NUFIP1: variants seen among roughly 807,000 people sequenced by gnomAD.
NUFIP1 encodes the protein FMR1-interacting protein NUFIP1.
Under a neutral mutation model 56.2 loss-of-function variants are expected in NUFIP1, and 38 were observed. The ratio of observed to expected loss-of-function variants is 0.68; its 90% CI spans 0.52 to 0.89. The LOEUF is 0.89. Among genes scored for constraint, NUFIP1 ranks in the 40% least tolerant of loss-of-function variants. The pLI, the probability that NUFIP1 is intolerant of heterozygous loss-of-function variation, is 0.00. For synonymous variants in NUFIP1, 215 were observed against 212.4 expected, an observed-to-expected ratio of 1.01 and a Z score of -0.10; for missense variants, 567 against 605.8, an observed-to-expected ratio of 0.94 and a Z score of 0.67.
chr13:44,988,983 GA>G, intron 1 of NUFIP1, 41 bp downstream of exon 1: 8 of 1,601,910 alleles, frequency 5.0e-6, no homozygotes, highest in Admixed American at 3.4e-5. Context: ...AAGAACGGGG[GA>G]AAAAGGTAAA....
intron 1 of NUFIP1, among the ~76,000 whole-genome samples, chr13:44,985,502 G>C (rs1025281444): frequency 6.6e-6 from 1 of 152,142 alleles, no homozygotes; most frequent in Admixed American, 6.5e-5. Flanking sequence ...ACATCAAGCA[G>C]GTCTATCAGC....
At chr13:44,967,232 A>T (rs1476862743) in intron 5 of NUFIP1, among the ~76,000 whole-genome samples, 1 of 151,896 alleles carries the variant, frequency 6.6e-6, no homozygotes, top group African/African-American at 2.4e-5. Flanking sequence ...ACAAACCAAG[A>T]CTTCAGAAAG....
intron 9 of NUFIP1, among the ~76,000 whole-genome samples, chr13:44,943,009 G>C (rs952665464): frequency 6.0e-5 from 9 of 150,750 alleles, no homozygotes; most frequent in Non-Finnish European, 1.3e-4. Flanking sequence ...GGGAGGGAAG[G>C]AAGACAATCC....
chr13:44,966,619 C>G (rs1396747955), intron 5 of NUFIP1, among the ~76,000 whole-genome samples: 2 of 152,026 alleles, frequency 1.3e-5, no homozygotes, highest in Non-Finnish European at 2.9e-5. Flanking sequence ...CCGGCCAAGT[C>G]TATCCAATTT....
chr13:44,949,080 C>A (rs1488125921), intron 8 of NUFIP1, among the ~76,000 whole-genome samples: 2 of 151,946 alleles, frequency 1.3e-5, no homozygotes, highest in Non-Finnish European at 2.9e-5. Context: ...CACGTTATAA[C>A]AAGGGTTCTT....
At chr13:44,950,884 G>C (rs1017682045) in intron 7 of NUFIP1, among the ~76,000 whole-genome samples, 4 of 152,028 alleles carry the variant, frequency 2.6e-5, no homozygotes, top group Admixed American at 6.6e-5. Context: ...AAGACAATAA[G>C]TAATTTGTCT....
At chr13:44,985,885 G>T (rs1391755932) in intron 1 of NUFIP1, among the ~76,000 whole-genome samples, 2 of 152,206 alleles carry the variant, frequency 1.3e-5, no homozygotes, top group Admixed American at 1.3e-4. Flanking sequence ...AAATGATTAA[G>T]CTTAGTGAGG....
chr13:44,943,422 C>A lies in NUFIP1; in HGVS notation c.1371+20G>T, dbSNP rs926217462. 1.9e-6 allele frequency: 3 copies of A among 1,598,430 alleles called. No individual in the cohort carries two copies. The highest frequency in any genetic ancestry group is 2.7e-5 in the African/African-American group (2 of 74,332). On this transcript the variant is annotated intron_variant, in intron 9 of 9. Coordinates refer to ENST00000379161, the MANE Select transcript of NUFIP1 (RefSeq NM_012345.3). ...TGATGTGAGAACACAAAGATTAGAACCTAAAGAAAAATAATTTACCATTTC... is the reference window on the plus strand; with the variant it reads ...TGATGTGAGAACACAAAGATTAGAAACTAAAGAAAAATAATTTACCATTTC...
chr13:44,979,230 T>G lies in NUFIP1; in HGVS notation c.694A>C (p.Thr232Pro). Residue 232 changes from threonine (T) to proline (P), a missense_variant, in exon 5 of 10, where the codon ACT becomes CCT. Transcript: ENST00000379161. Reference protein sequence around the residue: ...APGMKKIKLDTPEEIARWREE... With the variant: ...APGMKKIKLDPPEEIARWREE... The stretch of plus-strand genomic sequence containing the variant: ...CTCCACCGTGCAATTTCCTCTGGAG[T>G]GTCTAACTTGATCTTCTTCATGCCA... 6.2e-7 allele frequency: 1 copy of G among 1,613,418 alleles called. No individual in the cohort carries two copies. The highest frequency in any genetic ancestry group is 8.5e-7 in the Non-Finnish European group (1 of 1,179,802).
intron 7 of NUFIP1, among the ~76,000 whole-genome samples, chr13:44,951,909 G>A (rs1485460840): frequency 2.0e-5 from 3 of 152,238 alleles, no homozygotes; most frequent in Non-Finnish European, 2.9e-5. Flanking sequence ...CTGTCTTGAT[G>A]TTGCTGGCTG....
chr13:44,976,630 G>A (rs1487917178), intron 5 of NUFIP1, among the ~76,000 whole-genome samples: 1 of 152,126 alleles, frequency 6.6e-6, no homozygotes, highest in Non-Finnish European at 1.5e-5. Context: ...CAGAAGCCAA[G>A]GAACTTCAGA....
chr13:44,987,753 T>C (rs937810627), intron 1 of NUFIP1, among the ~76,000 whole-genome samples: 1 of 152,192 alleles, frequency 6.6e-6, no homozygotes, highest in African/African-American at 2.4e-5. Context: ...CTACAATAGC[T>C]TCCTAACCGG....
chr13:44,957,739 C>T lies in NUFIP1; in HGVS notation c.1021+1642G>A, dbSNP rs114963581. On this transcript the variant is annotated intron_variant, in intron 7 of 9. Transcript: ENST00000379161. ...AAGGGAAAACAGAATTAACCATCTA[C>T]CAAAGCTAAGTTAACAAAATGAAGA... 3.7e-3 allele frequency among the ~76,000 whole-genome samples: 566 copies of T among 152,116 alleles called. 4 individuals carry two copies. Among genetic ancestry groups the T allele is most frequent in the African/African-American group, 0.013 (552 of 41,484 alleles).
At chr13:44,962,356 T>TAA (rs374325661) in intron 6 of NUFIP1, among the ~76,000 whole-genome samples, 1 of 152,236 alleles carries the variant, frequency 6.6e-6, no homozygotes, top group African/African-American at 2.4e-5. Flanking sequence ...AGTTAGGTGA[T>TAA]TGTTTCTCAG....
Position 44,989,087 on chromosome 13 carries a change from G to C in NUFIP1, c.350C>G (p.Ser117Trp). ...ATCAGAAGACTGTCTCCAATACCAC[G>C]ATGTGGAAGCATGGAAATTCCAAGG... ...GQPWNFHAST[S>W]WYWRQSSDRF... The change falls in exon 1 of 10, where the codon TCG becomes TGG. Residue 117 changes from serine (S) to tryptophan (W), a missense_variant. Physicochemically the swap from Ser to Trp is radical, Grantham distance 177. Transcript: ENST00000379161. The C allele has an allele frequency of 1.2e-6, 2 of 1,614,170 alleles. No individual in the cohort carries two copies. The highest frequency in any genetic ancestry group is 1.7e-6 in the Non-Finnish European group (2 of 1,179,988).
At chr13:44,981,709 G>A (rs1463129430) in intron 2 of NUFIP1, among the ~76,000 whole-genome samples, 2 of 152,106 alleles carry the variant, frequency 1.3e-5, no homozygotes, top group African/African-American at 4.8e-5. Flanking sequence ...TACTCTGGGA[G>A]GCTGAGGCAG....
At chr13:44,969,078 T>A (rs569983528) in intron 5 of NUFIP1, among the ~76,000 whole-genome samples, 3 of 152,196 alleles carry the variant, frequency 2.0e-5, no homozygotes, top group Non-Finnish European at 4.4e-5. Flanking sequence ...AAATTAAGTA[T>A]CATGTTCCTA....
At position 44,941,172 on chromosome 13, in the gene NUFIP1, A is replaced by G. The variant is rs761973329; in HGVS notation, c.*34T>C. 11 of 1,076,692 alleles carry G rather than the reference A, an allele frequency of 1.0e-5. No individual in the cohort carries two copies. The highest frequency in any genetic ancestry group is 1.4e-5 in the Non-Finnish European group (10 of 714,722). The allele number at this position is 1,076,692 out of a possible 1,614,324, so 66.7% of individuals were successfully genotyped here. On this transcript the variant is annotated 3_prime_UTR_variant, in exon 10 of 10. Coordinates refer to ENST00000379161, the MANE Select transcript of NUFIP1 (RefSeq NM_012345.3). ...ACTAACGAGGATGATACTGTTTCAC[A>G]TGCTTCAGTTATGTATGCTGAAACA...
intron 5 of NUFIP1, among the ~76,000 whole-genome samples, chr13:44,969,652 A>G (rs1871736036): frequency 6.6e-6 from 1 of 151,726 alleles, no homozygotes; most frequent in Non-Finnish European, 1.5e-5. Flanking sequence ...CTCTTCTTTC[A>G]TTTTTTACCT....
Sources: allele counts gnomAD v4.1 joint callset (sites outside exome capture counted in the v4.1 genomes callset), GRCh38; gene constraint gnomAD v4.1.1; transcripts MANE v1.5; gene names NCBI Gene and HGNC (gene_info 2026-07-23, HGNC 2026-07-21).